Variants in MDFIC2 observed in about 807,000 individuals in gnomAD.
MDFIC2 encodes the protein myoD family inhibitor domain-containing protein 2.
chr3:70,203,584 T>C (rs1701261563), intron 3 of MDFIC2, among the ~76,000 whole-genome samples: 1 of 152,190 alleles, frequency 6.6e-6, no homozygotes, highest in Non-Finnish European at 1.5e-5. Flanking sequence ...GCAAATGAAC[T>C]GAAATAATTA....
In MDFIC2 at chr3:70,206,376, C is replaced by T. The variant is rs1315271049; in HGVS notation, c.310+193G>A. On this transcript the variant is annotated intron_variant, in intron 3 of 3. Transcript: ENST00000567252. ...TGCCTCTGATTCCCAGCTTTGAGAG[C>T]AAACAATCTGCCAAGCGCCTCATAA... 2.0e-5 allele frequency among the ~76,000 whole-genome samples: 3 copies of T among 152,002 alleles called. No homozygotes were observed. The East Asian group carries it at 5.8e-4, about 29-fold the overall frequency.
rs1379693221 is a variant in MDFIC2 at position 70,195,433 on chromosome 3, T to C, written c.*1493A>G. On this transcript the variant is annotated 3_prime_UTR_variant, in exon 4 of 4. Coordinates refer to ENST00000567252, the MANE Select transcript of MDFIC2 (RefSeq NM_001364677.1). ...AGTTGAGAGTGGTTAAATGCCTTTT[T>C]AGAGGCAGTTTACAAATATTTTTAA... is the stretch of plus-strand genomic sequence containing the variant. Among the ~76,000 whole-genome samples the C allele has an allele frequency of 6.6e-6, 1 of 152,208 alleles. No individual in the cohort carries two copies. The highest frequency in any genetic ancestry group is 1.5e-5 in the Non-Finnish European group (1 of 68,036).
chr3:70,196,532 G>A lies in MDFIC2; in HGVS notation c.*394C>T, dbSNP rs1205274290. On this transcript the variant is annotated 3_prime_UTR_variant, in exon 4 of 4. Transcript: ENST00000567252. ...CCATTAGAAAGACGAGCTAATGTAT[G>A]TCAATTCTAAAAGAATGCACTAATT... is the stretch of plus-strand genomic sequence containing the variant. Among the ~76,000 whole-genome samples the A allele has an allele frequency of 1.3e-5, 2 of 152,178 alleles. No individual in the cohort carries two copies. Among genetic ancestry groups the A allele is most frequent in the African/African-American group, 4.8e-5 (2 of 41,438 alleles).
chr3:70,274,317 A>T (rs1702001849), intron 2 of MDFIC2, among the ~76,000 whole-genome samples: 1 of 152,124 alleles, frequency 6.6e-6, no homozygotes, highest in Non-Finnish European at 1.5e-5. Context: ...ACTTATGGAA[A>T]TGAAACAAGG....
chr3:70,229,991 A>G (rs1701543168), intron 2 of MDFIC2, among the ~76,000 whole-genome samples: 1 of 152,194 alleles, frequency 6.6e-6, no homozygotes, highest in Non-Finnish European at 1.5e-5. Context: ...ATTTGTACAA[A>G]GTATAATATA....
chr3:70,252,155 A>G (rs1324471032), intron 2 of MDFIC2, among the ~76,000 whole-genome samples: 1 of 152,234 alleles, frequency 6.6e-6, no homozygotes, highest in Admixed American at 6.5e-5. Context: ...GTTATGAGTC[A>G]TGTGTAATTG....
At chr3:70,197,258 G>T (rs933947185) in intron 3 of MDFIC2, 73 bp from the exon 4 acceptor site, 2 of 397,772 alleles carry the variant, frequency 5.0e-6, no homozygotes, top group Non-Finnish European at 4.4e-6. Context: ...TGTGTGCTGG[G>T]ATACTTGATA....
At chr3:70,265,040 G>A (rs139334039) in intron 2 of MDFIC2, among the ~76,000 whole-genome samples, 146 of 152,224 alleles carry the variant, frequency 9.6e-4, no homozygotes, top group Non-Finnish European at 1.5e-3. Context: ...ATCAGATATC[G>A]TGAGACTTAT....
chr3:70,267,143 T>C (rs182940958), intron 2 of MDFIC2, among the ~76,000 whole-genome samples: 133 of 152,284 alleles, frequency 8.7e-4, no homozygotes, highest in South Asian at 2.1e-3. Flanking sequence ...CAAGCTTCTA[T>C]TTTTATAAAT....
At position 70,227,123 on chromosome 3, in the gene MDFIC2, A is replaced by G. The variant is rs115042747; in HGVS notation, c.89-20333T>C. 8.5e-3 allele frequency among the ~76,000 whole-genome samples: 1,295 copies of G among 152,282 alleles called. 21 individuals are homozygous for G. The highest frequency in any genetic ancestry group is 0.029 in the African/African-American group (1,218 of 41,564). ...TCCAAGTTCCCTTAACTCCTGTGTA[A>G]GATACTTGAAATACAGGTTAAAGCA... is the stretch of plus-strand genomic sequence containing the variant. On this transcript the variant is annotated intron_variant, in intron 2 of 3. Transcript: ENST00000567252.
intron 2 of MDFIC2, among the ~76,000 whole-genome samples, chr3:70,295,486 T>C (rs1488218520): frequency 2.0e-5 from 3 of 152,106 alleles, no homozygotes; most frequent in African/African-American, 7.2e-5. Flanking sequence ...GATAATCACT[T>C]GAGGCCAGGA....
chr3:70,302,394 G>C lies in MDFIC2; in HGVS notation c.88+9492C>G, dbSNP rs552007667. Among the ~76,000 whole-genome samples, 4 of 152,160 alleles carry C rather than the reference G, an allele frequency of 2.6e-5. No homozygotes were observed. The South Asian group carries it at 8.3e-4, about 32-fold the overall frequency. ...TATAAAAGTAAAGTATCTCTTTGTA[G>C]AATTTACTAGAAATGGAATGTCCTT... On this transcript the variant is annotated intron_variant, in intron 2 of 3. Transcript: ENST00000567252.
chr3:70,304,560 T>C (rs958866229), intron 2 of MDFIC2, among the ~76,000 whole-genome samples: 2 of 152,142 alleles, frequency 1.3e-5, no homozygotes, highest in South Asian at 4.1e-4. Flanking sequence ...CAGCCTTTGA[T>C]TCCTTTCTTT....
intron 2 of MDFIC2, among the ~76,000 whole-genome samples, chr3:70,237,059 C>T (rs1701617091): frequency 8.6e-6 from 1 of 116,854 alleles, no homozygotes; most frequent in Non-Finnish European, 1.8e-5. Flanking sequence ...TGCTCTTTGA[C>T]AAATTTATTT....
At chr3:70,250,243 C>A (rs571056589) in intron 2 of MDFIC2, among the ~76,000 whole-genome samples, 1 of 152,268 alleles carries the variant, frequency 6.6e-6, no homozygotes, top group South Asian at 2.1e-4. Context: ...TCTTGTGCTG[C>A]TGAAGCACCA....
intron 2 of MDFIC2, among the ~76,000 whole-genome samples, chr3:70,233,344 G>T (rs191333162): frequency 2.6e-5 from 4 of 152,160 alleles, no homozygotes; most frequent in Middle Eastern, 3.2e-3. Context: ...AGATTTCAGC[G>T]TGGAATAATG....
chr3:70,278,013 T>A (rs1490061511), intron 2 of MDFIC2, among the ~76,000 whole-genome samples: 1 of 152,084 alleles, frequency 6.6e-6, no homozygotes, highest in African/African-American at 2.4e-5. Flanking sequence ...ATTGATCCGT[T>A]TTTACAAACG....
intron 2 of MDFIC2, among the ~76,000 whole-genome samples, chr3:70,236,403 G>A (rs971659797): frequency 3.3e-5 from 5 of 151,958 alleles, no homozygotes; most frequent in Non-Finnish European, 7.4e-5. Context: ...TATTTGGAAT[G>A]GCCTCTAAAG....
chr3:70,226,606 C>T lies in MDFIC2; in HGVS notation c.89-19816G>A, dbSNP rs562547194. On this transcript the variant is annotated intron_variant, in intron 2 of 3. Transcript: ENST00000567252. ...TACAAAAATTAGCCAGGCATGGTGGCGGGTGCCTGTAATCCCAGCTTCTCG... is the reference window on the plus strand; with the variant it reads ...TACAAAAATTAGCCAGGCATGGTGGTGGGTGCCTGTAATCCCAGCTTCTCG... Among the ~76,000 whole-genome samples, 473 of 151,662 alleles carry T rather than the reference C, an allele frequency of 3.1e-3. 1 individual carries two copies. The highest frequency in any genetic ancestry group is 0.01 in the African/African-American group (428 of 41,352).
Sources: allele counts gnomAD v4.1 joint callset (sites outside exome capture counted in the v4.1 genomes callset), GRCh38; gene constraint gnomAD v4.1.1; transcripts MANE v1.5; gene names NCBI Gene and HGNC (gene_info 2026-07-23, HGNC 2026-07-21).